FHOD3: variants seen among roughly 807,000 people sequenced by gnomAD.
FHOD3 encodes the protein FH1/FH2 domain-containing protein 3.
FHOD3 carries 90 observed loss-of-function variants against 173.0 expected under a neutral mutation model. The ratio of observed to expected loss-of-function variants is 0.52; its 90% CI spans 0.44 to 0.62. FHOD3 has a LOEUF of 0.62. FHOD3 is among the 20% of genes least tolerant of loss of function. The pLI, the probability that FHOD3 is intolerant of heterozygous loss-of-function variation, is 0.00. For synonymous variants in FHOD3, 828 were observed against 823.0 expected (o/e 1.01, Z -0.10); for missense variants, 1,945 against 2,034.7 (o/e 0.96, Z 0.85).
intron 15 of FHOD3, among the ~76,000 whole-genome samples, chr18:36,682,034 A>G (rs1282085749): frequency 1.3e-5 from 2 of 151,946 alleles, no homozygotes; most frequent in Non-Finnish European, 2.9e-5. Context: ...ATGTGGGGGG[A>G]AAAGTCATTG....
intron 3 of FHOD3, among the ~76,000 whole-genome samples, chr18:36,491,723 A>G (rs2054483547): frequency 6.7e-6 from 1 of 149,094 alleles, no homozygotes; most frequent in Non-Finnish European, 1.5e-5. Flanking sequence ...GAACAGCATC[A>G]CGGTGCTGCC....
At chr18:36,693,613 T>C (rs1440221304) in intron 17 of FHOD3, among the ~76,000 whole-genome samples, 190 bp downstream of exon 17, 1 of 152,182 alleles carries the variant, frequency 6.6e-6, no homozygotes, top group Non-Finnish European at 1.5e-5. Context: ...GAGCCACTTA[T>C]ATTAAAGCAA....
intron 18 of FHOD3, among the ~76,000 whole-genome samples, chr18:36,717,498 G>A (rs746413005): frequency 1.3e-5 from 2 of 152,080 alleles, no homozygotes; most frequent in Non-Finnish European, 2.9e-5. Flanking sequence ...TCAAGTTAGG[G>A]CAGAGGCTCC....
intron 20 of FHOD3, among the ~76,000 whole-genome samples, chr18:36,734,135 GAC>G (rs2041514440): frequency 6.6e-6 from 1 of 152,152 alleles, no homozygotes; most frequent in Non-Finnish European, 1.5e-5. Context: ...GAAGTGAGGA[GAC>G]ACAGCCACAG....
intron 24 of FHOD3, among the ~76,000 whole-genome samples, chr18:36,750,009 G>A (rs779202477): frequency 6.6e-6 from 1 of 151,970 alleles, no homozygotes; most frequent in Non-Finnish European, 1.5e-5. Flanking sequence ...TCTGTTCGGG[G>A]CCGGGCATGG....
chr18:36,754,976 T>TTTATTATTATAA (rs2042561851), intron 24 of FHOD3, 143 bp from the exon 25 acceptor site: 1 of 167,734 alleles, frequency 6.0e-6, no homozygotes, highest in East Asian at 1.7e-4. Context: ...TGTTGGTTTC[T>TTTATTATTATAA]TTATTATTAT....
In FHOD3 at chr18:36,365,195, G is replaced by A. The variant is rs182329010; in HGVS notation, c.273-7485G>A. On this transcript the variant is annotated intron_variant, in intron 2 of 28. Transcript: ENST00000590592. ...TCCATGACTGGGTTAGGCAGTCATG[G>A]TTCTTGCCACATGTGCTTTCCATGT... Among the ~76,000 whole-genome samples the A allele has an allele frequency of 1.8e-3, 277 of 152,312 alleles. 1 individual carries two copies. The highest frequency in any genetic ancestry group is 3.0e-3 in the Admixed American group (46 of 15,308).
chr18:36,512,726 T>G (rs2055729517), intron 5 of FHOD3, among the ~76,000 whole-genome samples, 183 bp downstream of exon 5: 1 of 152,128 alleles, frequency 6.6e-6, no homozygotes, highest in Non-Finnish European at 1.5e-5. Context: ...TCCTAGTAAT[T>G]AGCAACTGTG....
At chr18:36,687,926 G>T (rs1412047052) in intron 16 of FHOD3, among the ~76,000 whole-genome samples, 1 of 152,050 alleles carries the variant, frequency 6.6e-6, no homozygotes, top group African/African-American at 2.4e-5. Context: ...ATACAATTTT[G>T]TAAGAAAAAC....
At chr18:36,750,027 C>T (rs184788700) in intron 24 of FHOD3, among the ~76,000 whole-genome samples, 15 of 152,072 alleles carry the variant, frequency 9.9e-5, no homozygotes, top group East Asian at 1.9e-4. Flanking sequence ...TGGTGGCTCA[C>T]GCCTGTAATC....
At chr18:36,548,114 C>G (rs2057488550) in intron 5 of FHOD3, among the ~76,000 whole-genome samples, 1 of 152,124 alleles carries the variant, frequency 6.6e-6, no homozygotes, top group Non-Finnish European at 1.5e-5. Context: ...ATCGCTTGAA[C>G]CCAGGAGGCG....
intron 1 of FHOD3, among the ~76,000 whole-genome samples, chr18:36,332,327 A>G (rs2045059876): frequency 6.6e-6 from 1 of 152,226 alleles, no homozygotes; most frequent in South Asian, 2.1e-4. Context: ...AGTGTGGCTC[A>G]CATAGGGGCT....
chr18:36,649,893 C>A (rs1375664402), intron 11 of FHOD3, among the ~76,000 whole-genome samples: 1 of 152,170 alleles, frequency 6.6e-6, no homozygotes, highest in African/African-American at 2.4e-5. Flanking sequence ...TCACCCCATG[C>A]ATCATAGCAA....
intron 1 of FHOD3, among the ~76,000 whole-genome samples, chr18:36,316,020 G>A (rs1192638150): frequency 6.6e-6 from 1 of 151,844 alleles, no homozygotes; most frequent in African/African-American, 2.4e-5. Context: ...TGGGAGGGGA[G>A]AAGGAGGGGT....
intron 14 of FHOD3, among the ~76,000 whole-genome samples, chr18:36,677,948 T>G (rs1156553213): frequency 1.3e-5 from 2 of 152,228 alleles, no homozygotes; most frequent in African/African-American, 4.8e-5. Context: ...AATTTCATAG[T>G]TAGCTTATGA....
At chr18:36,726,208 C>T (rs2041060153) in intron 19 of FHOD3, among the ~76,000 whole-genome samples, 1 of 151,500 alleles carries the variant, frequency 6.6e-6, no homozygotes, top group South Asian at 2.1e-4. Flanking sequence ...ATAACTACAG[C>T]ACACTTATGA....
chr18:36,755,114 T>G lies in FHOD3; in HGVS notation c.4233-5T>G. On this transcript the variant is annotated splice_region_variant and splice_polypyrimidine_tract_variant and intron_variant, in intron 24 of 28. Coordinates refer to ENST00000590592, the MANE Select transcript of FHOD3 (RefSeq NM_001281740.3). ...GTCATTGCTATTACTGTTTTTTCCTTGCAGATTCCACTCCTTTTTACTCTT... is the reference window on the plus strand; with the variant it reads ...GTCATTGCTATTACTGTTTTTTCCTGGCAGATTCCACTCCTTTTTACTCTT... The G allele has an allele frequency of 6.4e-7, 1 of 1,555,658 alleles. No homozygotes were observed. The highest frequency in any genetic ancestry group is 8.7e-7 in the Non-Finnish European group (1 of 1,152,752).
At chr18:36,631,892 A>G (rs8084477) in intron 10 of FHOD3, among the ~76,000 whole-genome samples, 23,523 of 152,244 alleles carry the variant, frequency 0.15, 2,006 homozygotes, top group African/African-American at 0.21. Flanking sequence ...TTTCATATCA[A>G]TACATTAAAA....
At chr18:36,651,926 C>A (rs780624834) in intron 11 of FHOD3, among the ~76,000 whole-genome samples, 3 of 152,144 alleles carry the variant, frequency 2.0e-5, no homozygotes, top group Non-Finnish European at 4.4e-5. Context: ...TGTCTGAAGG[C>A]GTCTGAATGT....
Sources: gnomAD v4.1 joint callset for allele counts (sites outside exome capture counted in the v4.1 genomes callset) on GRCh38, gnomAD v4.1.1 for gene constraint, MANE v1.5 for transcripts, NCBI Gene and HGNC (gene_info 2026-07-23, HGNC 2026-07-21) for gene names.